Variants in SCHIP1 observed in about 807,000 individuals in gnomAD.
SCHIP1 encodes schwannomin-interacting protein 1.
SCHIP1 carries 8 observed loss-of-function variants against 29.7 expected under a neutral mutation model. The ratio of observed to expected loss-of-function variants is 0.27; its 90% CI spans 0.16 to 0.49. The LOEUF is 0.49. Among genes scored for constraint, SCHIP1 ranks in the 20% least tolerant of loss-of-function variants. The probability of loss-of-function intolerance (pLI) is 0.99; values close to 1 mark genes in which losing one functional copy is unlikely to be tolerated. For missense variants in SCHIP1, 193 were observed against 294.6 expected, an observed-to-expected ratio of 0.66 and a Z score of 2.52; for synonymous variants, 76 against 94.9, an observed-to-expected ratio of 0.80 and a Z score of 1.16.
the SCHIP1 span, among the ~76,000 whole-genome samples, chr3:159,422,551 C>T: frequency 2.0e-5 from 3 of 152,288 alleles, no homozygotes; most frequent in South Asian, 4.1e-4. Flanking sequence ...TATGCAACAA[C>T]ACCCAGATCA....
the SCHIP1 span, among the ~76,000 whole-genome samples, chr3:159,486,184 C>T: frequency 6.6e-6 from 1 of 152,088 alleles, no homozygotes; most frequent in Non-Finnish European, 1.5e-5. Flanking sequence ...AGCAAATTTC[C>T]AGTATACAAT....
the SCHIP1 span, among the ~76,000 whole-genome samples, chr3:159,721,238 C>G: frequency 6.6e-6 from 1 of 152,046 alleles, no homozygotes; most frequent in Non-Finnish European, 1.5e-5. Context: ...TCCTTCTGAC[C>G]AAGAACAAAT....
At chr3:159,575,732 G>A in the SCHIP1 span, among the ~76,000 whole-genome samples, 1 of 152,098 alleles carries the variant, frequency 6.6e-6, no homozygotes, top group Non-Finnish European at 1.5e-5. Context: ...ACTGTGCCCA[G>A]CCACTGTTTT....
chr3:159,847,347 A>G (rs547088886), intron 1 of SCHIP1, among the ~76,000 whole-genome samples: 13 of 152,322 alleles, frequency 8.5e-5, no homozygotes, highest in African/African-American at 1.9e-4. Flanking sequence ...GTCATATCCC[A>G]TTATTTATTT....
chr3:159,425,705 A>G, the SCHIP1 span, among the ~76,000 whole-genome samples: 1 of 152,240 alleles, frequency 6.6e-6, no homozygotes, highest in Non-Finnish European at 1.5e-5. Context: ...ATAGACATCT[A>G]CAGAACTCTC....
the SCHIP1 span, among the ~76,000 whole-genome samples, chr3:159,641,901 T>G: frequency 6.6e-6 from 1 of 152,172 alleles, no homozygotes; most frequent in Admixed American, 6.6e-5. Context: ...TACTAATACA[T>G]TAGATGATTT....
chr3:159,828,083 T>C, the SCHIP1 span, among the ~76,000 whole-genome samples: 1 of 151,490 alleles, frequency 6.6e-6, no homozygotes, highest in African/African-American at 2.4e-5. Context: ...GTATTGCTGA[T>C]GTGGAAAACT....
the SCHIP1 span, among the ~76,000 whole-genome samples, chr3:159,577,190 C>T: frequency 6.6e-6 from 1 of 152,116 alleles, no homozygotes; most frequent in South Asian, 2.1e-4. Flanking sequence ...CTTGCTCTGC[C>T]CTACTTTAGC....
At chr3:159,295,802 T>C in the SCHIP1 span, among the ~76,000 whole-genome samples, 1 of 152,232 alleles carries the variant, frequency 6.6e-6, no homozygotes, top group Admixed American at 6.5e-5. Context: ...GTGGTTGATG[T>C]TGACCTTTGT....
the SCHIP1 span, among the ~76,000 whole-genome samples, chr3:159,560,060 TGAAG>T: frequency 6.6e-6 from 1 of 152,206 alleles, no homozygotes; most frequent in South Asian, 2.1e-4. Context: ...TGTCTCATAA[TGAAG>T]GGTCAAGGAA....
the SCHIP1 span, among the ~76,000 whole-genome samples, chr3:159,436,010 T>C: frequency 6.6e-6 from 1 of 152,134 alleles, no homozygotes; most frequent in East Asian, 1.9e-4. Context: ...CCTAAGTGTG[T>C]GTCTTAAATG....
chr3:159,505,458 A>G, the SCHIP1 span, among the ~76,000 whole-genome samples: 1,770 of 152,246 alleles, frequency 0.012, 11 homozygotes, highest in Middle Eastern at 0.027. Flanking sequence ...TTGTTGAGCC[A>G]TTATAATTTA....
the SCHIP1 span, among the ~76,000 whole-genome samples, chr3:159,726,191 T>A: frequency 1.3e-5 from 2 of 152,206 alleles, no homozygotes; most frequent in Non-Finnish European, 2.9e-5. Flanking sequence ...CCAGTGTCTT[T>A]AAGGAAATAC....
chr3:159,353,307 TATA>T, the SCHIP1 span, among the ~76,000 whole-genome samples: 1,401 of 151,918 alleles, frequency 9.2e-3, 23 homozygotes, highest in African/African-American at 0.032. Context: ...AAACTTAAAG[TATA>T]ATAATAATAA....
chr3:159,308,223 C>T, the SCHIP1 span, among the ~76,000 whole-genome samples: 7 of 151,978 alleles, frequency 4.6e-5, no homozygotes, highest in African/African-American at 1.7e-4. Context: ...CATGTCTTTC[C>T]ATTTATTTGT....
chr3:159,475,394 T>G, the SCHIP1 span, among the ~76,000 whole-genome samples: 1 of 152,028 alleles, frequency 6.6e-6, no homozygotes, highest in Admixed American at 6.6e-5. Flanking sequence ...AGACAAAATG[T>G]AGGTTAGTGG....
chr3:159,840,082 T>C, exon 1 of SCHIP1: 2 of 1,524,532 alleles, frequency 1.3e-6, no homozygotes, highest in Non-Finnish European at 1.8e-6. Context: ...GCCCCTGCCT[T>C]ACCAGGGCGT....
chr3:159,278,906 C>T, the SCHIP1 span, among the ~76,000 whole-genome samples: 4,247 of 152,190 alleles, frequency 0.028, 197 homozygotes, highest in African/African-American at 0.097. Context: ...TTCAGAGAAC[C>T]CAGGATGGTG....
chr3:159,522,018 G>A, the SCHIP1 span, among the ~76,000 whole-genome samples: 1 of 152,166 alleles, frequency 6.6e-6, no homozygotes, highest in Non-Finnish European at 1.5e-5. Context: ...TATCTAGCCT[G>A]TGATCAGAGG....
Sources: allele counts gnomAD v4.1 joint callset (sites outside exome capture counted in the v4.1 genomes callset), GRCh38; gene constraint gnomAD v4.1.1; transcripts MANE v1.5; gene names NCBI Gene and HGNC (gene_info 2026-07-23, HGNC 2026-07-21).